Variants in ARHGAP22 observed in about 807,000 individuals in gnomAD.
ARHGAP22 encodes Rho GTPase activating protein 22, also known as rho GTPase-activating protein 22.
In ARHGAP22, 48 loss-of-function variants were observed where a neutral mutation model predicts 59.1. That is an observed-to-expected ratio of 0.81 (90% confidence interval 0.64 to 1.03). The LOEUF (loss-of-function observed/expected upper bound fraction) is 1.03. ARHGAP22 is among the 50% of genes least tolerant of loss of function. ARHGAP22 has a pLI of 0.00. For missense variants in ARHGAP22, 1,015 were observed against 958.7 expected (o/e 1.06, Z -0.78); for synonymous variants, 445 against 416.4 (o/e 1.07, Z -0.84).
At chr10:48,576,303 G>C (rs931885835) in intron 2 of ARHGAP22, among the ~76,000 whole-genome samples, 3 of 152,238 alleles carry the variant, frequency 2.0e-5, no homozygotes, top group Admixed American at 6.5e-5. Flanking sequence ...GCCCTTTCTA[G>C]AAGAGGGAGC....
At chr10:48,536,419 G>A (rs564760854) in intron 3 of ARHGAP22, among the ~76,000 whole-genome samples, 34 of 152,242 alleles carry the variant, frequency 2.2e-4, no homozygotes, top group Non-Finnish European at 2.5e-4. Context: ...ACTATTTTCC[G>A]GGCTGAGTTG....
At chr10:48,629,700 A>G (rs1263749224) in intron 1 of ARHGAP22, among the ~76,000 whole-genome samples, 1 of 152,224 alleles carries the variant, frequency 6.6e-6, no homozygotes, top group Non-Finnish European at 1.5e-5. Context: ...CTTTCCATAT[A>G]AATTTTAGAA....
chr10:48,562,681 A>C (rs569777728), intron 2 of ARHGAP22, among the ~76,000 whole-genome samples: 72 of 152,328 alleles, frequency 4.7e-4, no homozygotes, highest in Non-Finnish European at 1.0e-3. Context: ...AGCTTTTGGC[A>C]GTGATGGATA....
At chr10:48,634,387 G>C (rs2061732705) in intron 1 of ARHGAP22, among the ~76,000 whole-genome samples, 1 of 152,208 alleles carries the variant, frequency 6.6e-6, no homozygotes, top group Non-Finnish European at 1.5e-5. Flanking sequence ...TAAGCTGCTG[G>C]GTGCAGAGGG....
intron 4 of ARHGAP22, among the ~76,000 whole-genome samples, chr10:48,464,143 CTGTAA>C (rs1245612851): frequency 1.3e-5 from 2 of 152,200 alleles, no homozygotes; most frequent in East Asian, 3.9e-4. Context: ...GCCCTGAAGG[CTGTAA>C]ACATATAAAT....
intron 1 of ARHGAP22, among the ~76,000 whole-genome samples, chr10:48,634,196 A>G (rs749540383): frequency 6.6e-6 from 1 of 152,202 alleles, no homozygotes; most frequent in Non-Finnish European, 1.5e-5. Flanking sequence ...TGTCCCTAAA[A>G]GCAGAGGTAC....
chr10:48,631,305 T>A (rs1034171686), intron 1 of ARHGAP22, among the ~76,000 whole-genome samples: 1 of 152,218 alleles, frequency 6.6e-6, no homozygotes, highest in Non-Finnish European at 1.5e-5. Context: ...ATTAGGGTGC[T>A]GTTAGCCTCA....
intron 3 of ARHGAP22, among the ~76,000 whole-genome samples, chr10:48,482,962 C>A (rs990258785): frequency 2.0e-5 from 3 of 152,020 alleles, no homozygotes; most frequent in Non-Finnish European, 4.4e-5. Flanking sequence ...CCTCTGGTAA[C>A]CATCATTCTA....
chr10:48,460,099 G>A (rs537380950), intron 4 of ARHGAP22, among the ~76,000 whole-genome samples: 2 of 152,316 alleles, frequency 1.3e-5, no homozygotes, highest in Non-Finnish European at 2.9e-5. Flanking sequence ...CTGGGCCCTG[G>A]GCTGCCTGTG....
intron 2 of ARHGAP22, among the ~76,000 whole-genome samples, chr10:48,576,467 C>T (rs1309103264): frequency 6.6e-6 from 1 of 152,214 alleles, no homozygotes; most frequent in African/African-American, 2.4e-5. Context: ...ATAGTCTCAA[C>T]GTGAGAAATT....
At chr10:48,498,459 T>C (rs1161856630) in intron 3 of ARHGAP22, among the ~76,000 whole-genome samples, 2 of 152,038 alleles carry the variant, frequency 1.3e-5, no homozygotes, top group East Asian at 1.9e-4. Flanking sequence ...GTGGCCCACA[T>C]GTAGAGGAAG....
intron 5 of ARHGAP22, among the ~76,000 whole-genome samples, chr10:48,457,390 T>C: frequency 6.6e-6 from 1 of 152,166 alleles, no homozygotes; most frequent in East Asian, 1.9e-4. Flanking sequence ...GGAGGTTCCC[T>C]ACCACTAGGC....
At position 48,446,397 on chromosome 10, in the gene ARHGAP22, T is replaced by G; in HGVS notation, c.2091A>C (p.Pro697=). The G allele has an allele frequency of 1.9e-6, 3 of 1,614,130 alleles. No homozygotes were observed. The highest frequency in any genetic ancestry group is 2.5e-6 in the Non-Finnish European group (3 of 1,179,998). The stretch of plus-strand genomic sequence containing the variant: ...GTGAGCTCTGCCATTCCTTTTACTT[T>G]GGGGCCCTGGCACCTTTTGCCCCAA... ...LTVGAKGARA[P]K The change falls in exon 10 of 10, where the codon CCA becomes CCC. Residue 697 remains proline (P), a synonymous_variant. Transcript: ENST00000249601.
At chr10:48,629,644 T>TTGCA (rs1402541513) in intron 1 of ARHGAP22, among the ~76,000 whole-genome samples, 3 of 152,236 alleles carry the variant, frequency 2.0e-5, no homozygotes, top group Non-Finnish European at 4.4e-5. Context: ...TGAATTTAGG[T>TTGCA]TGCATGCTTC....
At chr10:48,454,043 G>C in intron 7 of ARHGAP22, 45 bp downstream of exon 7, 1 of 1,579,256 alleles carries the variant, frequency 6.3e-7, no homozygotes, top group Non-Finnish European at 8.7e-7. Flanking sequence ...GGGGAGCGTG[G>C]AGCCAGTGCA....
At chr10:48,563,187 A>ATTTTTTTTTTTTT (rs558735630) in intron 2 of ARHGAP22, among the ~76,000 whole-genome samples, 44 of 104,224 alleles carry the variant, frequency 4.2e-4, no homozygotes, top group Non-Finnish European at 6.1e-4. Context: ...ATCCAGGATA[A>ATTTTTTTTTTTTT]TTTTTTTTTT....
chr10:48,476,228 C>G (rs115700875), intron 4 of ARHGAP22, among the ~76,000 whole-genome samples: 446 of 152,306 alleles, frequency 2.9e-3, no homozygotes, highest in African/African-American at 0.01. Flanking sequence ...CAGATGAATT[C>G]CCAAATGAGA....
At chr10:48,496,275 G>A (rs1350971664) in intron 3 of ARHGAP22, among the ~76,000 whole-genome samples, 1 of 152,086 alleles carries the variant, frequency 6.6e-6, no homozygotes, top group African/African-American at 2.4e-5. Context: ...GGCTCTGGTG[G>A]TATGAGGATA....
At chr10:48,554,717 T>C (rs1395800067) in intron 3 of ARHGAP22, among the ~76,000 whole-genome samples, 1 of 152,144 alleles carries the variant, frequency 6.6e-6, no homozygotes, top group Non-Finnish European at 1.5e-5. Flanking sequence ...ATGAGACCCC[T>C]CTGAAGCCTG....
Sources: allele counts gnomAD v4.1 joint callset (sites outside exome capture counted in the v4.1 genomes callset), GRCh38; gene constraint gnomAD v4.1.1; transcripts MANE v1.5; gene names NCBI Gene and HGNC (gene_info 2026-07-23, HGNC 2026-07-21).